The following OSBPL5 variants were observed in gnomAD, a reference collection of about 807,000 sequenced individuals.
The protein encoded by OSBPL5 is oxysterol-binding protein-related protein 5.
Under a neutral mutation model 111.2 loss-of-function variants are expected in OSBPL5, and 71 were observed. The observed-to-expected ratio is 0.64, with a 90% confidence interval of 0.53 to 0.78. The LOEUF (loss-of-function observed/expected upper bound fraction) is 0.78. OSBPL5 is among the 30% of genes least tolerant of loss of function. The probability of loss-of-function intolerance (pLI) is 0.00; values close to 1 mark genes in which losing one functional copy is unlikely to be tolerated. For synonymous variants in OSBPL5, 549 were observed against 513.9 expected (o/e 1.07, Z -0.93); for missense variants, 1,210 against 1,189.3 (o/e 1.02, Z -0.26).
chr11:3,108,491 G>T (rs1857791190), intron 7 of OSBPL5, among the ~76,000 whole-genome samples: 4 of 152,174 alleles, frequency 2.6e-5, no homozygotes, highest in African/African-American at 9.7e-5. Context: ...GGCTGAGGAG[G>T]GGCTTGCACA....
At chr11:3,097,793 G>A (rs1316564714) in intron 14 of OSBPL5, among the ~76,000 whole-genome samples, 31 of 152,182 alleles carry the variant, frequency 2.0e-4, no homozygotes, top group African/African-American at 4.8e-5. Flanking sequence ...AAGGCCGAGC[G>A]CACTGGCTCA....
intron 7 of OSBPL5, among the ~76,000 whole-genome samples, chr11:3,112,478 C>CTTTTTTTTTTTT (rs559601032): frequency 9.2e-6 from 1 of 108,776 alleles, no homozygotes; most frequent in Non-Finnish European, 2.0e-5. Context: ...GTTTTCTTTT[C>CTTTTTTTTTTTT]TTTTTTTTTT....
At chr11:3,131,716 ATCC>A (rs1845794976) in intron 1 of OSBPL5, among the ~76,000 whole-genome samples, 4 of 61,980 alleles carry the variant, frequency 6.5e-5, no homozygotes, top group Non-Finnish European at 7.5e-5. Flanking sequence ...CCATCCATCC[ATCC>A]ATCCATCCAT....
At position 3,111,699 on chromosome 11, in the gene OSBPL5, C is replaced by T. The variant is rs993904265; in HGVS notation, c.692-3754G>A. ...TCCCCACCCCCACACACAATGGTGG[C>T]GTGATGGGGGGAGAAAAACGGCCAG... On this transcript the variant is annotated intron_variant, in intron 7 of 21. Coordinates refer to ENST00000263650, the MANE Select transcript of OSBPL5 (RefSeq NM_020896.4). 1.1e-4 allele frequency among the ~76,000 whole-genome samples: 16 copies of T among 151,076 alleles called. No individual in the cohort carries two copies. The South Asian group carries it at 1.3e-3, about 12-fold the overall frequency.
intron 7 of OSBPL5, among the ~76,000 whole-genome samples, chr11:3,117,375 A>G (rs1858249732): frequency 6.6e-6 from 1 of 152,246 alleles, no homozygotes; most frequent in African/African-American, 2.4e-5. Context: ...CGCCCAACTT[A>G]TAGGTGTTTA....
chr11:3,142,426 C>T lies in OSBPL5; in HGVS notation c.-21-13257G>A, dbSNP rs1165110045. Among the ~76,000 whole-genome samples the T allele has an allele frequency of 6.6e-6, 1 of 152,208 alleles. No homozygotes were observed. Among genetic ancestry groups the T allele is most frequent in the African/African-American group, 2.4e-5 (1 of 41,454 alleles). On this transcript the variant is annotated intron_variant, in intron 1 of 21. Coordinates refer to ENST00000263650, the MANE Select transcript of OSBPL5 (RefSeq NM_020896.4). This position sits in a 1 kb window ranked among gnomAD's most constrained non-coding sequence, Gnocchi z 7.1. ...GAAGCCCCTACCTCTCCACCACGACCCCTCCATGCCCTGCTGCCACAAGGG... is the reference window on the plus strand; with the variant it reads ...GAAGCCCCTACCTCTCCACCACGACTCCTCCATGCCCTGCTGCCACAAGGG...
intron 10 of OSBPL5, among the ~76,000 whole-genome samples, chr11:3,103,788 C>CTTCCAGCTCTGCAGCCCCA (rs1554896306): frequency 1.6e-5 from 1 of 61,282 alleles, no homozygotes; most frequent in Non-Finnish European, 3.8e-5. Flanking sequence ...TCTGCAGTCC[C>CTTCCAGCTCTGCAGCCCCA]TTCCTGCCTC....
At chr11:3,122,627 C>T (rs546547018) in intron 3 of OSBPL5, among the ~76,000 whole-genome samples, 199 bp from the exon 4 acceptor site, 48 of 152,256 alleles carry the variant, frequency 3.2e-4, no homozygotes, top group South Asian at 1.0e-3. Flanking sequence ...GGGTGGCTGA[C>T]GAGAGACCCT....
intron 3 of OSBPL5, among the ~76,000 whole-genome samples, chr11:3,124,017 C>G (rs1169756849): frequency 6.6e-6 from 1 of 152,178 alleles, no homozygotes; most frequent in Non-Finnish European, 1.5e-5. Context: ...AGACCAGCCA[C>G]CAGCACGCAG....
At position 3,154,029 on chromosome 11, in the gene OSBPL5, C is replaced by T. The variant is rs1846672041; in HGVS notation, c.-22+11187G>A. Among the ~76,000 whole-genome samples, 1 of 152,188 alleles carries T rather than the reference C, an allele frequency of 6.6e-6. No individual in the cohort carries two copies. Among genetic ancestry groups the T allele is most frequent in the Non-Finnish European group, 1.5e-5 (1 of 68,024 alleles). On this transcript the variant is annotated intron_variant, in intron 1 of 21. Transcript: ENST00000263650. This position sits in a 1 kb window ranked among gnomAD's most constrained non-coding sequence, Gnocchi z 4.9. ...AGCAGGGAGCCCCAGGGCAGGCCCG[C>T]AGCCCCCAAGGAAGGTCTGTGCCCG... is the stretch of plus-strand genomic sequence containing the variant.
chr11:3,116,606 G>A (rs1175919107), intron 7 of OSBPL5, among the ~76,000 whole-genome samples: 3 of 152,192 alleles, frequency 2.0e-5, no homozygotes, highest in African/African-American at 7.2e-5. Context: ...TGTAATCCCA[G>A]CACTTTGGGA....
rs1211940330 is a variant in OSBPL5, at chr11:3,126,517, C to A, written c.175G>T (p.Asp59Tyr). Reference sequence around the variant, plus strand: ...GAGCTTGGGGTCGGGGGCCCTTCATCCCTGGGCAGCGACGGGCCGTTGGGC... The same window carrying A: ...GAGCTTGGGGTCGGGGGCCCTTCATACCTGGGCAGCGACGGGCCGTTGGGC... ...MEPNGPSLPR[D>Y]EGPPTPSSAT... Residue 59 changes from aspartate (D) to tyrosine (Y), a missense_variant, in exon 3 of 22, where the codon GAT becomes TAT. Coordinates refer to ENST00000263650, the MANE Select transcript of OSBPL5 (RefSeq NM_020896.4). The surrounding 1 kb of genome is among the most constrained non-coding windows in gnomAD (Gnocchi z 6.5). The A allele has an allele frequency of 1.2e-6, 2 of 1,610,150 alleles. No individual in the cohort carries two copies. The highest frequency in any genetic ancestry group is 2.2e-5 in the South Asian group (2 of 90,564).
At chr11:3,090,932 C>G (rs1400747975) in intron 19 of OSBPL5, among the ~76,000 whole-genome samples, 2 of 152,226 alleles carry the variant, frequency 1.3e-5, no homozygotes, top group South Asian at 4.1e-4. Context: ...ACTGACCCCT[C>G]ACAGTGAGCA....
At chr11:3,151,952 G>A (rs1010964788) in intron 1 of OSBPL5, among the ~76,000 whole-genome samples, 17 of 152,360 alleles carry the variant, frequency 1.1e-4, no homozygotes, top group Admixed American at 2.0e-4. Context: ...TCTGCCTCTC[G>A]AGCCAGCTCG....
intron 7 of OSBPL5, among the ~76,000 whole-genome samples, chr11:3,112,630 A>C (rs559383721): frequency 6.6e-6 from 1 of 152,328 alleles, no homozygotes. Context: ...TAACCTCATG[A>C]TAATTCTCCC....
At chr11:3,095,247 G>C (rs1292284031) in intron 14 of OSBPL5, among the ~76,000 whole-genome samples, 1 of 149,220 alleles carries the variant, frequency 6.7e-6, no homozygotes, top group Non-Finnish European at 1.5e-5. Context: ...GGAGGCGGAG[G>C]TTGTAGTGAG....
At position 3,119,536 on chromosome 11, in the gene OSBPL5, C is replaced by A. The variant is rs1858327529; in HGVS notation, c.691+11G>T. Reference sequence around the variant, plus strand: ...GGCACTGGGGAGATGCGCAAGCTGGCAGGGACTCACCATCTGACTCGGAGG... The same window carrying A: ...GGCACTGGGGAGATGCGCAAGCTGGAAGGGACTCACCATCTGACTCGGAGG... On this transcript the variant is annotated intron_variant, in intron 7 of 21. Transcript: ENST00000263650. 1.9e-6 allele frequency: 3 copies of A among 1,570,154 alleles called. No homozygotes were observed. The highest frequency in any genetic ancestry group is 2.6e-6 in the Non-Finnish European group (3 of 1,163,090).
intron 1 of OSBPL5, among the ~76,000 whole-genome samples, chr11:3,139,071 G>A (rs1846033471): frequency 6.6e-6 from 1 of 152,208 alleles, no homozygotes; most frequent in African/African-American, 2.4e-5. Flanking sequence ...TGGGGATCCT[G>A]GGGTGCGAGC....
At chr11:3,115,517 G>A (rs1590671597) in intron 7 of OSBPL5, among the ~76,000 whole-genome samples, 2 of 152,148 alleles carry the variant, frequency 1.3e-5, no homozygotes, top group South Asian at 4.1e-4. Context: ...AATTAAAGCT[G>A]TTCAACTCCT....
Sources: gnomAD v4.1 joint callset for allele counts (sites outside exome capture counted in the v4.1 genomes callset) on GRCh38, gnomAD v4.1.1 for gene constraint, Gnocchi (gnomAD v3.1) non-coding constraint, MANE v1.5 for transcripts, NCBI Gene and HGNC (gene_info 2026-07-23, HGNC 2026-07-21) for gene names.